Variants in ZNF44 observed in about 807,000 individuals in gnomAD.
ZNF44 encodes the protein gonadotropin inducible transcription repressor-2.
Under a neutral mutation model 11.7 loss-of-function variants are expected in ZNF44, and 9 were observed. That is an observed-to-expected ratio of 0.77 (90% CI 0.46 to 1.35). The LOEUF (loss-of-function observed/expected upper bound fraction) is 1.35. Among genes scored for constraint, ZNF44 ranks in the 40% most tolerant of loss-of-function variants. The pLI, the probability that ZNF44 is intolerant of heterozygous loss-of-function variation, is 0.00. For missense variants in ZNF44, 696 were observed against 743.1 expected (o/e 0.94, Z 0.74); for synonymous variants, 224 against 242.7 (o/e 0.92, Z 0.72).
In ZNF44 at chr19:12,272,178, G is replaced by C. The variant is rs549729795; in HGVS notation, c.*229C>G. 2.0e-6 allele frequency: 1 copy of C among 504,506 alleles called. No homozygotes were observed. The highest frequency in any genetic ancestry group is 2.1e-5 in the African/African-American group (1 of 48,576). The allele number at this position is 504,506 out of a possible 1,614,324, so 31.3% of individuals were successfully genotyped here. ...TGCCTGGCTATTTTTTTTTTTTTCC[G>C]TATTTTTAGTAGAGACAGGGTTTCC... is the stretch of plus-strand genomic sequence containing the variant. On this transcript the variant is annotated 3_prime_UTR_variant, in exon 4 of 4. Coordinates refer to ENST00000355684, the MANE Select transcript of ZNF44 (RefSeq NM_016264.4).
chr19:12,293,496 A>G (rs539516275), intron 1 of ZNF44: 22 of 897,778 alleles, frequency 2.5e-5, no homozygotes, highest in Non-Finnish European at 3.5e-5. Flanking sequence ...CAGCAGTGTC[A>G]GGTGGTTATT....
At chr19:12,239,303 G>A (rs546688049), upstream of ZNF44, among the ~76,000 whole-genome samples, 5 of 151,816 alleles carry the variant, frequency 3.3e-5, no homozygotes, top group South Asian at 2.1e-4. Context: ...TAGTATAGAC[G>A]GGGTTTCACC....
At chr19:12,289,918 A>C (rs1251024330) in intron 1 of ZNF44, among the ~76,000 whole-genome samples, 1 of 150,310 alleles carries the variant, frequency 6.7e-6, no homozygotes, top group Non-Finnish European at 1.5e-5. Flanking sequence ...GGCGTGAGCC[A>C]CCGTGCCTGG....
Position 12,272,431 on chromosome 19 carries a change from C to G in ZNF44, c.1824G>C (p.Arg608Ser). The stretch of plus-strand genomic sequence containing the variant: ...CTTATAGAATATCCTTCCAGTGTGT[C>G]CTTTTATGTCTATTAAAGGAACTGA... The part of the protein sequence containing the change: ...SSLSSFNRHK[R>S]THWKDIL Residue 608 changes from arginine (R) to serine (S), a missense_variant, in exon 4 of 4, where the codon AGG (arginine) becomes AGC (serine). Transcript: ENST00000355684. The G allele has an allele frequency of 6.4e-7, 1 of 1,562,902 alleles. No homozygotes were observed. The highest frequency in any genetic ancestry group is 8.6e-7 in the Non-Finnish European group (1 of 1,159,406).
chr19:12,240,394 G>A (rs1244499754), upstream of ZNF44, among the ~76,000 whole-genome samples: 1 of 145,930 alleles, frequency 6.9e-6, no homozygotes, highest in Non-Finnish European at 1.5e-5. Context: ...GCAGTGCACT[G>A]AGATTGTGCC....
chr19:12,255,460 A>T (rs901219405), intron 5 of ZNF44, among the ~76,000 whole-genome samples: 1 of 152,246 alleles, frequency 6.6e-6, no homozygotes, highest in Non-Finnish European at 1.5e-5. Flanking sequence ...TGAAAATGAG[A>T]AAGCATTTGG....
chr19:12,253,518 A>G (rs189202497), intron 5 of ZNF44, among the ~76,000 whole-genome samples: 1 of 152,272 alleles, frequency 6.6e-6, no homozygotes, highest in Admixed American at 6.5e-5. Flanking sequence ...GAAGACGTAG[A>G]GAATCTATGT....
intron 5 of ZNF44, among the ~76,000 whole-genome samples, chr19:12,252,783 G>C (rs73002482): frequency 0.17 from 24,845 of 149,696 alleles, 2,276 homozygotes; most frequent in African/African-American, 0.25. Context: ...AATGAAATCA[G>C]GTAAGGTAAA....
rs1020647927 is a variant in ZNF44 at position 12,288,614 on chromosome 19, C to T, written c.3+6078G>A. ...AAAATTAGCCAGGCATAGTTGCACA[C>T]GCCAGTAATCCCAGCTACTCAGGAG... On this transcript the variant is annotated intron_variant, in intron 1 of 3. Coordinates refer to ENST00000355684, the MANE Select transcript of ZNF44 (RefSeq NM_016264.4). Among the ~76,000 whole-genome samples the T allele has an allele frequency of 1.4e-4, 21 of 151,146 alleles. 1 individual carries two copies. Among genetic ancestry groups the T allele is most frequent in the Admixed American group, 1.2e-3 (18 of 15,134 alleles).
intron 5 of ZNF44, chr19:12,266,290 A>G: frequency 3.0e-6 from 3 of 985,298 alleles, no homozygotes; most frequent in Non-Finnish European, 3.6e-6. Flanking sequence ...CCTGGACTCC[A>G]GGGTGTCCCA....
At chr19:12,292,855 G>GTTTTTTTTTTTTTTTTTTT in intron 1 of ZNF44, among the ~76,000 whole-genome samples, 1 of 76,936 alleles carries the variant, frequency 1.3e-5, no homozygotes, top group African/African-American at 4.9e-5. Context: ...CAGAGGTTAG[G>GTTTTTTTTTTTTTTTTTTT]TTTTTTTTTT....
At chr19:12,282,185 C>A (rs931089477) in intron 1 of ZNF44, among the ~76,000 whole-genome samples, 1 of 152,070 alleles carries the variant, frequency 6.6e-6, no homozygotes, top group Admixed American at 6.6e-5. Context: ...AGCCTCTACA[C>A]CTTTGAGAAA....
At position 12,272,025 on chromosome 19, in the gene ZNF44, C is replaced by T. The variant is rs1315899840; in HGVS notation, c.*382G>A. 11 of 152,930 alleles carry T rather than the reference C, an allele frequency of 7.2e-5. No homozygotes were observed. Among genetic ancestry groups the T allele is most frequent in the African/African-American group, 2.5e-4 (10 of 40,102 alleles). 9.5% of individuals were successfully genotyped at this position (152,930 alleles called of 1,614,324 possible). On this transcript the variant is annotated 3_prime_UTR_variant, in exon 4 of 4. Coordinates refer to ENST00000355684, the MANE Select transcript of ZNF44 (RefSeq NM_016264.4). ...TTTTTTTTTTTTTTTGAGATGGAGT[C>T]TCGCTCTAGCACCCAAGCTGGAGTG...
At chr19:12,232,641 A>G (rs1916214078) in intron 2 of ZNF44, among the ~76,000 whole-genome samples, 1 of 152,204 alleles carries the variant, frequency 6.6e-6, no homozygotes, top group Non-Finnish European at 1.5e-5. Flanking sequence ...CACATGTTCC[A>G]GAGAGCAGGG....
intron 1 of ZNF44, among the ~76,000 whole-genome samples, chr19:12,236,017 C>CA (rs1470292384): frequency 3.3e-5 from 5 of 152,030 alleles, no homozygotes; most frequent in Non-Finnish European, 7.4e-5. Flanking sequence ...GAAATGTTCA[C>CA]AAACAGAAAA....
intron 5 of ZNF44, among the ~76,000 whole-genome samples, chr19:12,265,363 C>T (rs2145710810): frequency 6.6e-6 from 1 of 151,802 alleles, no homozygotes; most frequent in South Asian, 2.1e-4. Flanking sequence ...CAAGCCTCAG[C>T]GAGAGGGAGA....
downstream of ZNF44, among the ~76,000 whole-genome samples, chr19:12,243,545 A>G (rs1916688649): frequency 6.6e-6 from 1 of 152,154 alleles, no homozygotes; most frequent in South Asian, 2.1e-4. Flanking sequence ...TATACATCAC[A>G]CTTTCTTTAT....
chr19:12,233,818 C>T (rs1266811062), intron 2 of ZNF44, among the ~76,000 whole-genome samples: 3 of 152,068 alleles, frequency 2.0e-5, no homozygotes, highest in African/African-American at 7.2e-5. Context: ...AATCCCAGCA[C>T]TTTGGGAGAC....
chr19:12,257,190 A>C (rs1599506544), intron 5 of ZNF44, among the ~76,000 whole-genome samples: 1 of 152,328 alleles, frequency 6.6e-6, no homozygotes, highest in Admixed American at 6.5e-5. Flanking sequence ...TGAAATAGAG[A>C]CTGAACAAAA....
Sources: allele counts gnomAD v4.1 joint callset (sites outside exome capture counted in the v4.1 genomes callset), GRCh38; gene constraint gnomAD v4.1.1; transcripts MANE v1.5; gene names NCBI Gene and HGNC (gene_info 2026-07-23, HGNC 2026-07-21).